Variants in NELL1 observed in about 807,000 individuals in gnomAD.
NELL1 encodes the protein neural EGFL like 1, also known as protein kinase C-binding protein NELL1.
Under a neutral mutation model 107.4 loss-of-function variants are expected in NELL1, and 76 were observed. The ratio of observed to expected loss-of-function variants is 0.71; its 90% confidence interval spans 0.59 to 0.86. The LOEUF (loss-of-function observed/expected upper bound fraction) is 0.86. Among genes scored for constraint, NELL1 ranks in the 40% least tolerant of loss-of-function variants. The pLI, the probability that NELL1 is intolerant of heterozygous loss-of-function variation, is 0.00. For missense variants in NELL1, 1,024 were observed against 1,005.5 expected (o/e 1.02, Z -0.25); for synonymous variants, 353 against 341.2 (o/e 1.03, Z -0.38).
chr11:20,959,961 A>T (rs1851256083), intron 11 of NELL1, among the ~76,000 whole-genome samples: 2 of 152,214 alleles, frequency 1.3e-5, no homozygotes, highest in South Asian at 4.1e-4. Context: ...CAAGGGAGTG[A>T]TTAGCTCAAA....
At chr11:21,326,155 CTATT>C (rs1850135826) in intron 14 of NELL1, among the ~76,000 whole-genome samples, 1 of 67,074 alleles carries the variant, frequency 1.5e-5, no homozygotes, top group Non-Finnish European at 3.2e-5. Flanking sequence ...TACCATTTTG[CTATT>C]TTTTTTTTTC....
intron 12 of NELL1, among the ~76,000 whole-genome samples, chr11:21,062,676 A>T (rs1853770219): frequency 6.6e-6 from 1 of 152,152 alleles, no homozygotes; most frequent in Non-Finnish European, 1.5e-5. Context: ...CCACGGCAAG[A>T]CTGCCCTCCT....
chr11:20,987,921 G>C (rs1851885198), intron 12 of NELL1, among the ~76,000 whole-genome samples: 1 of 152,068 alleles, frequency 6.6e-6, no homozygotes, highest in Non-Finnish European at 1.5e-5. Context: ...GGAATAATTT[G>C]TTGGTTCTTA....
chr11:21,557,183 C>G (rs147558101), intron 16 of NELL1, among the ~76,000 whole-genome samples: 1 of 152,076 alleles, frequency 6.6e-6, no homozygotes, highest in Non-Finnish European at 1.5e-5. Flanking sequence ...TGCATGGAAA[C>G]AGAATTAGAT....
At chr11:21,383,700 T>G (rs1851666456) in intron 15 of NELL1, 2 of 149,158 alleles carry the variant, frequency 1.3e-5, no homozygotes, top group Admixed American at 6.7e-5. Flanking sequence ...TGTATATATA[T>G]TTATACATAA....
At position 21,479,306 on chromosome 11, in the gene NELL1, A is replaced by G. The variant is rs189496188; in HGVS notation, c.1646-55068A>G. On this transcript the variant is annotated intron_variant, in intron 15 of 19. Transcript: ENST00000357134. Reference sequence around the variant, plus strand: ...CAACCTAAATGTCCATCAACAGATGAATGGATAAAGAAAATGTGGTACCTA... The same window carrying G: ...CAACCTAAATGTCCATCAACAGATGGATGGATAAAGAAAATGTGGTACCTA... 2.0e-4 allele frequency among the ~76,000 whole-genome samples: 30 copies of G among 152,298 alleles called. No individual in the cohort carries two copies. In the East Asian group the frequency reaches 4.8e-3, roughly 25 times the overall value.
chr11:21,363,875 C>G (rs935519053), intron 14 of NELL1, among the ~76,000 whole-genome samples: 1 of 152,046 alleles, frequency 6.6e-6, no homozygotes, highest in Non-Finnish European at 1.5e-5. Context: ...TATACACTGG[C>G]CAAAAATGAA....
intron 2 of NELL1, among the ~76,000 whole-genome samples, chr11:20,731,856 C>G (rs138058580): frequency 4.6e-5 from 7 of 152,056 alleles, no homozygotes; most frequent in African/African-American, 1.7e-4. Context: ...AGCAGGTGTG[C>G]GCAGATACAT....
intron 15 of NELL1, among the ~76,000 whole-genome samples, chr11:21,374,921 G>A (rs1447826896): frequency 7.0e-6 from 1 of 143,762 alleles, no homozygotes; most frequent in Admixed American, 7.1e-5. Context: ...GTGTGTGTGT[G>A]TGTGTGTATG....
At chr11:21,385,775 G>A (rs901439769) in intron 15 of NELL1, among the ~76,000 whole-genome samples, 2 of 151,744 alleles carry the variant, frequency 1.3e-5, no homozygotes, top group South Asian at 4.1e-4. Flanking sequence ...TCAATGACTC[G>A]CTCCGAGTAG....
chr11:21,380,089 G>A (rs1223177989), intron 15 of NELL1, among the ~76,000 whole-genome samples: 2 of 152,092 alleles, frequency 1.3e-5, no homozygotes. Flanking sequence ...ATAGCAGACA[G>A]GAGAATTATT....
chr11:20,826,177 T>C (rs1359306680), intron 3 of NELL1, among the ~76,000 whole-genome samples: 1 of 151,278 alleles, frequency 6.6e-6, no homozygotes, highest in Non-Finnish European at 1.5e-5. Flanking sequence ...TTACCCAGTC[T>C]CGGGTACGTC....
At position 21,574,686 on chromosome 11, in the gene NELL1, T is replaced by A. The variant is rs968792797; in HGVS notation, c.2383-286T>A. On this transcript the variant is annotated intron_variant, in intron 19 of 19. Transcript: ENST00000357134. ...TACAGCAAACAGGTCATGTGAAAAGTTGGAAATCCCAGGGAGGCCTCCCAA... is the reference window on the plus strand; with the variant it reads ...TACAGCAAACAGGTCATGTGAAAAGATGGAAATCCCAGGGAGGCCTCCCAA... Among the ~76,000 whole-genome samples, 67 of 151,862 alleles carry A rather than the reference T, an allele frequency of 4.4e-4. 1 individual carries two copies. Among genetic ancestry groups the A allele is most frequent in the African/African-American group, 1.5e-3 (61 of 41,496 alleles).
intron 14 of NELL1, among the ~76,000 whole-genome samples, chr11:21,334,794 G>A (rs1423480838): frequency 2.0e-5 from 3 of 151,226 alleles, no homozygotes; most frequent in African/African-American, 7.3e-5. Context: ...CCAGGAGCTG[G>A]GTTAATCCAT....
Position 20,844,891 on chromosome 11 carries a change from A to G in NELL1, c.336-2692A>G, listed in dbSNP as rs568523566. 5.3e-5 allele frequency among the ~76,000 whole-genome samples: 8 copies of G among 152,340 alleles called. No individual in the cohort carries two copies. In the East Asian group the frequency reaches 1.5e-3, roughly 29 times the overall value. On this transcript the variant is annotated intron_variant, in intron 3 of 19. Coordinates refer to ENST00000357134, the MANE Select transcript of NELL1 (RefSeq NM_006157.5). ...CCCTGAGTCACAAGGTTCTACTAGA[A>G]AACATGAGTCTTCCCTCCAGGCTAC...
intron 13 of NELL1, among the ~76,000 whole-genome samples, chr11:21,137,514 T>C (rs928606465): frequency 3.3e-5 from 5 of 152,250 alleles, no homozygotes; most frequent in Admixed American, 3.3e-4. Flanking sequence ...AAAAGAGACA[T>C]TTTGATAGAA....
chr11:20,952,457 G>T (rs1010974821), intron 11 of NELL1, among the ~76,000 whole-genome samples: 3 of 152,100 alleles, frequency 2.0e-5, no homozygotes, highest in African/African-American at 7.2e-5. Context: ...CATTGTTTTG[G>T]GTGAATTTAT....
chr11:20,995,017 C>G (rs1178340156), intron 12 of NELL1, among the ~76,000 whole-genome samples: 1 of 152,102 alleles, frequency 6.6e-6, no homozygotes, highest in East Asian at 1.9e-4. Flanking sequence ...GGAGAGATAC[C>G]CTGGTGGAAA....
chr11:21,139,120 A>G (rs1469023642), intron 13 of NELL1, among the ~76,000 whole-genome samples: 2 of 152,214 alleles, frequency 1.3e-5, no homozygotes, highest in Non-Finnish European at 2.9e-5. Flanking sequence ...GAGCAGGTCC[A>G]TCTTACTTCT....
Sources: gnomAD v4.1 joint callset for allele counts (sites outside exome capture counted in the v4.1 genomes callset) on GRCh38, gnomAD v4.1.1 for gene constraint, MANE v1.5 for transcripts, NCBI Gene and HGNC (gene_info 2026-07-23, HGNC 2026-07-21) for gene names.